The following DOT1L variants were observed in gnomAD, a reference collection of about 807,000 sequenced individuals.
DOT1L encodes DOT1 like histone lysine methyltransferase.
DOT1L carries 33 observed loss-of-function variants against 153.3 expected under a neutral mutation model. The ratio of observed to expected loss-of-function variants is 0.22; its 90% CI spans 0.16 to 0.29. The LOEUF is 0.29. Ranked by LOEUF, DOT1L falls within the 10% of genes least tolerant of loss-of-function variation. The pLI is 1.00. For missense variants in DOT1L, 1,847 were observed against 2,119.9 expected (o/e 0.87, Z 2.53); for synonymous variants, 1,135 against 965.1 (o/e 1.18, Z -3.26).
intron 7 of DOT1L, among the ~76,000 whole-genome samples, chr19:2,196,892 G>A (rs111584927): frequency 0.03 from 4,510 of 152,292 alleles, 224 homozygotes; most frequent in African/African-American, 0.1. Context: ...TGGAGGATAA[G>A]CCCGTGGTCC....
intron 1 of DOT1L, among the ~76,000 whole-genome samples, chr19:2,164,931 C>T (rs919958324): frequency 6.6e-6 from 1 of 152,312 alleles, no homozygotes; most frequent in African/African-American, 2.4e-5. Flanking sequence ...GGGACTTCTC[C>T]CCGATCTTGA....
At chr19:2,228,200 G>A in intron 27 of DOT1L, 1 of 1,364,634 alleles carries the variant, frequency 7.3e-7, no homozygotes, top group Non-Finnish European at 9.8e-7. Flanking sequence ...CCTTCACGGT[G>A]CACCACCAGC....
intron 19 of DOT1L, 162 bp from the exon 20 acceptor site, chr19:2,216,119 G>C: frequency 9.4e-7 from 1 of 1,059,654 alleles, no homozygotes; most frequent in South Asian, 1.7e-5. Flanking sequence ...GACGCCCCCA[G>C]CTTCCCGACC....
intron 2 of DOT1L, among the ~76,000 whole-genome samples, chr19:2,184,032 C>A (rs955076937): frequency 6.6e-6 from 1 of 152,200 alleles, no homozygotes; most frequent in African/African-American, 2.4e-5. Context: ...TGGCGGTGTC[C>A]GCGCGTATTC....
At chr19:2,178,710 C>T (rs544201712) in intron 1 of DOT1L, among the ~76,000 whole-genome samples, 6 of 151,954 alleles carry the variant, frequency 3.9e-5, no homozygotes, top group Non-Finnish European at 8.8e-5. Flanking sequence ...TGTGAGCTAC[C>T]GCGCCCGGCC....
At chr19:2,212,679 G>A (rs1004970663) in intron 16 of DOT1L, 16 of 152,264 alleles carry the variant, frequency 1.1e-4, no homozygotes, top group African/African-American at 3.9e-4. Context: ...CGGGGGCAGG[G>A]GAGGCTGACA....
chr19:2,169,604 C>G (rs1424718083), intron 1 of DOT1L, among the ~76,000 whole-genome samples: 1 of 152,112 alleles, frequency 6.6e-6, no homozygotes, highest in Non-Finnish European at 1.5e-5. Context: ...AGTGATTCTC[C>G]TGCCTCAGCC....
chr19:2,198,634 G>A (rs946948442), intron 7 of DOT1L, among the ~76,000 whole-genome samples: 8 of 152,252 alleles, frequency 5.3e-5, no homozygotes, highest in Non-Finnish European at 1.0e-4. Context: ...GCCTGTGGCT[G>A]TTGTGTGGAA....
intron 22 of DOT1L, 145 bp downstream of exon 22, chr19:2,218,063 C>T (rs909032890): frequency 5.0e-5 from 61 of 1,227,584 alleles, no homozygotes; most frequent in Middle Eastern, 2.8e-4. Flanking sequence ...TGTCCAAAGC[C>T]GGGGCGTGTC....
chr19:2,226,071 G>C, intron 26 of DOT1L, 112 bp from the exon 27 acceptor site: 1 of 1,236,128 alleles, frequency 8.1e-7, no homozygotes, highest in Non-Finnish European at 1.1e-6. Context: ...GAGTGTCTGT[G>C]ACCAGCCCTG....
rs368624146 is a variant in DOT1L at position 2,226,352 on chromosome 19, C to G, written c.3831C>G (p.Pro1277=). ...AGAACTCCCTGTTCACGTTCCGGCC[C>G]GCCCTGGAGGAGCCCTCTGCCGATG... ...LSQNSLFTFR[P]ALEEPSADAK... Residue 1277 remains proline, a synonymous_variant, in exon 27 of 28, where the codon CCC becomes CCG. Coordinates refer to ENST00000398665, the MANE Select transcript of DOT1L (RefSeq NM_032482.3). 6.3e-7 allele frequency: 1 copy of G among 1,592,992 alleles called. No individual in the cohort carries two copies. The highest frequency in any genetic ancestry group is 1.3e-5 in the African/African-American group (1 of 74,738).
At chr19:2,227,222 G>A (rs2024389645) in intron 27 of DOT1L, 95 bp downstream of exon 27, 3 of 1,485,900 alleles carry the variant, frequency 2.0e-6, no homozygotes, top group Non-Finnish European at 2.8e-6. Context: ...TGCAGCAGGA[G>A]CTGAGCTGCA....
intron 8 of DOT1L, among the ~76,000 whole-genome samples, chr19:2,200,613 G>C (rs527585962): frequency 1.2e-4 from 19 of 152,192 alleles, no homozygotes; most frequent in African/African-American, 4.6e-4. Flanking sequence ...GGGGTCAGCA[G>C]CCGGCTGGGC....
chr19:2,218,057 C>A, intron 22 of DOT1L, 139 bp downstream of exon 22: 1 of 1,282,092 alleles, frequency 7.8e-7, no homozygotes, highest in Non-Finnish European at 1.1e-6. Context: ...GTGGGCTGTC[C>A]AAAGCCGGGG....
intron 27 of DOT1L, chr19:2,227,848 C>A (rs907007858): frequency 7.8e-7 from 1 of 1,287,504 alleles, no homozygotes; most frequent in Non-Finnish European, 1.0e-6. Flanking sequence ...CTGCAGGCGG[C>A]GGCCAGCGCC....
intron 8 of DOT1L, among the ~76,000 whole-genome samples, chr19:2,202,332 G>A (rs1419591462): frequency 6.6e-6 from 1 of 152,240 alleles, no homozygotes; most frequent in Non-Finnish European, 1.5e-5. Context: ...GTCCAGCCCC[G>A]TGCTGGGCCT....
chr19:2,208,987 G>C lies in DOT1L; in HGVS notation c.1005+11G>C. ...AACCCAAAACTCAGGGTAAGTTTGTGTGTTTTTTCTCTTGGGTTAATAACA... is the reference window on the plus strand; with the variant it reads ...AACCCAAAACTCAGGGTAAGTTTGTCTGTTTTTTCTCTTGGGTTAATAACA... On this transcript the variant is annotated intron_variant, in intron 12 of 27. Coordinates refer to ENST00000398665, the MANE Select transcript of DOT1L (RefSeq NM_032482.3). The surrounding 1 kb of genome is among the most constrained non-coding windows in gnomAD (Gnocchi z 4.4). 1 of 1,612,298 alleles carries C rather than the reference G, an allele frequency of 6.2e-7. No individual in the cohort carries two copies. The highest frequency in any genetic ancestry group is 8.5e-7 in the Non-Finnish European group (1 of 1,179,286).
chr19:2,196,131 G>A (rs1253364477), intron 7 of DOT1L, among the ~76,000 whole-genome samples: 1 of 152,214 alleles, frequency 6.6e-6, no homozygotes, highest in Non-Finnish European at 1.5e-5. Flanking sequence ...CCTAGCACGC[G>A]CCCCTGTCCC....
chr19:2,219,260 G>T (rs1226000745), intron 22 of DOT1L, among the ~76,000 whole-genome samples: 1 of 152,130 alleles, frequency 6.6e-6, no homozygotes, highest in Non-Finnish European at 1.5e-5. Flanking sequence ...CACCCGCCTC[G>T]GCCTCCCACA....
Sources: gnomAD v4.1 joint callset for allele counts (sites outside exome capture counted in the v4.1 genomes callset) on GRCh38, gnomAD v4.1.1 for gene constraint, Gnocchi (gnomAD v3.1) non-coding constraint, MANE v1.5 for transcripts, NCBI Gene and HGNC (gene_info 2026-07-23, HGNC 2026-07-21) for gene names.